CHUK: variants seen among roughly 807,000 people sequenced by gnomAD.
CHUK encodes component of inhibitor of nuclear factor kappa B kinase complex.
CHUK carries 35 observed loss-of-function variants against 104.8 expected under a neutral mutation model. The ratio of observed to expected loss-of-function variants is 0.33; its 90% CI spans 0.26 to 0.44. CHUK has a LOEUF of 0.44. CHUK is among the 20% of genes least tolerant of loss of function. CHUK has a pLI of 1.00. For synonymous variants in CHUK, 276 were observed against 291.9 expected (o/e 0.95, Z 0.56); for missense variants, 663 against 902.7 (o/e 0.73, Z 3.40).
At chr10:100,213,029 G>A (rs1280468910) in intron 9 of CHUK, among the ~76,000 whole-genome samples, 8 of 145,152 alleles carry the variant, frequency 5.5e-5, no homozygotes, top group African/African-American at 5.1e-5. Flanking sequence ...AGAAGAAAAA[G>A]AAAAAAAAAG....
At chr10:100,205,684 T>C (rs889151498) in intron 11 of CHUK, among the ~76,000 whole-genome samples, 1 of 152,178 alleles carries the variant, frequency 6.6e-6, no homozygotes, top group African/African-American at 2.4e-5. Flanking sequence ...TCCCAGCACT[T>C]TGGGAAGCCA....
At chr10:100,228,203 A>G (rs1033530299) in intron 1 of CHUK, among the ~76,000 whole-genome samples, 1 of 152,224 alleles carries the variant, frequency 6.6e-6, no homozygotes, top group African/African-American at 2.4e-5. Flanking sequence ...AACAAAACAA[A>G]GCCTATATTA....
At chr10:100,190,693 C>A in intron 20 of CHUK, 176 bp downstream of exon 20, 1 of 646,078 alleles carries the variant, frequency 1.5e-6, no homozygotes, top group Non-Finnish European at 2.8e-6. Flanking sequence ...CCTAGTATAT[C>A]CCTGAGTAAC....
chr10:100,217,218 A>G (rs1005169994), intron 9 of CHUK, among the ~76,000 whole-genome samples: 5 of 151,978 alleles, frequency 3.3e-5, no homozygotes, highest in Admixed American at 6.6e-5. Context: ...AGCCCCCCCA[A>G]AAAACCAAGC....
At chr10:100,218,529 G>C (rs1355839325) in intron 8 of CHUK, among the ~76,000 whole-genome samples, 189 bp downstream of exon 8, 1 of 152,090 alleles carries the variant, frequency 6.6e-6, no homozygotes, top group Non-Finnish European at 1.5e-5. Flanking sequence ...TTCAAAATTC[G>C]TTCTCTAGCC....
intron 1 of CHUK, among the ~76,000 whole-genome samples, chr10:100,228,143 T>C (rs17882915): frequency 1.2e-3 from 179 of 152,310 alleles, no homozygotes; most frequent in Non-Finnish European, 1.8e-3. Flanking sequence ...TTTATTTAAC[T>C]CTCAAATCCA....
At chr10:100,223,504 G>A (rs893682965) in intron 2 of CHUK, among the ~76,000 whole-genome samples, 1 of 151,974 alleles carries the variant, frequency 6.6e-6, no homozygotes, top group African/African-American at 2.4e-5. Flanking sequence ...CGGGTGTGGT[G>A]GCGCATGCCT....
chr10:100,196,385 GT>G (rs34375161), intron 16 of CHUK, among the ~76,000 whole-genome samples: 16,091 of 128,182 alleles, frequency 0.13, 1,659 homozygotes, highest in African/African-American at 0.31. Context: ...TCTGCTCTGG[GT>G]TTTTTTTTTT....
chr10:100,206,241 A>AT (rs201397816), intron 11 of CHUK, among the ~76,000 whole-genome samples: 1,776 of 150,688 alleles, frequency 0.012, 47 homozygotes, highest in African/African-American at 0.04. Flanking sequence ...TGTAAAATAG[A>AT]TTTTTTTTTA....
chr10:100,191,368 T>A (rs1178593803), intron 19 of CHUK, among the ~76,000 whole-genome samples: 1 of 152,204 alleles, frequency 6.6e-6, no homozygotes, highest in African/African-American at 2.4e-5. Context: ...AACACCAGCA[T>A]GCATACTTCA....
chr10:100,207,146 A>G lies in CHUK; in HGVS notation c.1231+84T>C, dbSNP rs1367883632. 5.2e-6 allele frequency: 4 copies of G among 766,638 alleles called. No homozygotes were observed. The Admixed American group carries it at 7.1e-5, about 14-fold the overall frequency. The allele number at this position is 766,638 out of a possible 1,614,324, so 47.5% of individuals were successfully genotyped here. A position where few individuals can be genotyped will look rare whatever the true frequency, so the allele number is the denominator to read the frequency against. ...TATGAGATACAGAACACAACACCAA[A>G]AGTCCATTTCTACTAATCATACTGA... On this transcript the variant is annotated intron_variant, in intron 11 of 20. Coordinates refer to ENST00000370397, the MANE Select transcript of CHUK (RefSeq NM_001278.5).
chr10:100,204,974 G>A, intron 12 of CHUK, 102 bp downstream of exon 12: 1 of 1,350,260 alleles, frequency 7.4e-7, no homozygotes, highest in South Asian at 1.2e-5. Context: ...GGCCCAGTAT[G>A]TTACTATTAC....
At chr10:100,219,693 A>G (rs1387499301) in intron 5 of CHUK, among the ~76,000 whole-genome samples, 1 of 152,212 alleles carries the variant, frequency 6.6e-6, no homozygotes, top group Non-Finnish European at 1.5e-5. Context: ...TTTTTATTTT[A>G]CTATATTCAA....
intron 20 of CHUK, chr10:100,190,502 CTATTCGGG>C (rs1346254797): frequency 3.8e-6 from 1 of 265,584 alleles, no homozygotes; most frequent in Non-Finnish European, 7.4e-6. Flanking sequence ...AATTTATTTT[CTATTCGGG>C]AGGTACCATA....
In CHUK at chr10:100,218,932, A is replaced by C; in HGVS notation, c.689+76T>G. The C allele has an allele frequency of 3.8e-6, 6 of 1,567,622 alleles. No homozygotes were observed. In the South Asian group the frequency reaches 6.8e-5, roughly 18 times the overall value. ...ATATTTCAAAGGCAATTAAACAATTAAAGAAAGAAAAAAAAAGACAAATGA... is the reference window on the plus strand; with the variant it reads ...ATATTTCAAAGGCAATTAAACAATTCAAGAAAGAAAAAAAAAGACAAATGA... On this transcript the variant is annotated intron_variant, in intron 7 of 20. Transcript: ENST00000370397.
chr10:100,221,564 T>C (rs868493373), intron 4 of CHUK, among the ~76,000 whole-genome samples: 58 of 152,292 alleles, frequency 3.8e-4, no homozygotes, highest in Middle Eastern at 3.4e-3. Context: ...TCACATGATT[T>C]TTTTGTCAGC....
At chr10:100,223,993 T>C (rs1846046875) in intron 2 of CHUK, among the ~76,000 whole-genome samples, 1 of 152,204 alleles carries the variant, frequency 6.6e-6, no homozygotes, top group South Asian at 2.1e-4. Context: ...AGTGACTCAC[T>C]GTAACAAACA....
At chr10:100,186,732 T>C (rs1173237231), downstream of CHUK, 1 of 152,034 alleles carries the variant, frequency 6.6e-6, no homozygotes, top group Non-Finnish European at 1.5e-5. Flanking sequence ...TGGGCACATA[T>C]TGCCAAAAAT....
At chr10:100,215,160 A>G (rs935604733) in intron 9 of CHUK, among the ~76,000 whole-genome samples, 6 of 145,090 alleles carry the variant, frequency 4.1e-5, no homozygotes, top group Non-Finnish European at 7.4e-5. Context: ...ACTTGAACCC[A>G]GGAGGTGTAG....
Sources: allele counts gnomAD v4.1 joint callset (sites outside exome capture counted in the v4.1 genomes callset), GRCh38; gene constraint gnomAD v4.1.1; transcripts MANE v1.5; gene names NCBI Gene and HGNC (gene_info 2026-07-23, HGNC 2026-07-21).